PTPRD: variants seen among roughly 807,000 people sequenced by gnomAD.
PTPRD encodes the protein protein tyrosine phosphatase receptor type D.
PTPRD carries 34 observed loss-of-function variants against 214.5 expected under a neutral mutation model. That is an observed-to-expected ratio of 0.16 (90% CI 0.12 to 0.21). PTPRD has a LOEUF of 0.21. Among genes scored for constraint, PTPRD ranks in the 10% least tolerant of loss-of-function variants. PTPRD has a pLI of 1.00. For synonymous variants in PTPRD, 1,128 were observed against 845.7 expected (o/e 1.33, Z -5.79); for missense variants, 2,545 against 2,398.7 (o/e 1.06, Z -1.27).
chr9:9,539,267 T>C (rs962580223), intron 8 of PTPRD, among the ~76,000 whole-genome samples: 1 of 151,736 alleles, frequency 6.6e-6, no homozygotes, highest in Non-Finnish European at 1.5e-5. Flanking sequence ...GGCCCTTAAG[T>C]GGGAATAAAC....
intron 14 of PTPRD, among the ~76,000 whole-genome samples, chr9:8,550,285 CA>C (rs2081626815): frequency 1.3e-5 from 2 of 152,028 alleles, no homozygotes; most frequent in Admixed American, 1.3e-4. Context: ...TGGTACCTCC[CA>C]AATTTGAAGT....
In PTPRD at chr9:9,495,942, C is replaced by T. The variant is rs570750690; in HGVS notation, c.-237+78790G>A. Reference sequence around the variant, plus strand: ...TTGTGGGGCTTTGGGGTAGCAGGCACCCCAACTTGGGTGCCACCTCAGGCC... The same window carrying T: ...TTGTGGGGCTTTGGGGTAGCAGGCATCCCAACTTGGGTGCCACCTCAGGCC... On this transcript the variant is annotated intron_variant, in intron 8 of 45. Coordinates refer to ENST00000381196, the MANE Select transcript of PTPRD (RefSeq NM_002839.4). 7.2e-5 allele frequency among the ~76,000 whole-genome samples: 11 copies of T among 152,274 alleles called. No homozygotes were observed. In the South Asian group the frequency reaches 1.9e-3, roughly 26 times the overall value.
chr9:9,845,949 G>C (rs978458899), intron 5 of PTPRD, among the ~76,000 whole-genome samples: 2 of 152,154 alleles, frequency 1.3e-5, no homozygotes, highest in African/African-American at 2.4e-5. Flanking sequence ...CAAAGAAAAA[G>C]CAACAGTTTG....
rs190812761 is a variant in PTPRD, at chr9:8,723,272, A to G, written c.64+10508T>C. Among the ~76,000 whole-genome samples the G allele has an allele frequency of 2.0e-3, 302 of 152,138 alleles. 4 individuals carry two copies. The highest frequency in any genetic ancestry group is 7.0e-3 in the African/African-American group (291 of 41,494). On this transcript the variant is annotated intron_variant, in intron 12 of 45. Coordinates refer to ENST00000381196, the MANE Select transcript of PTPRD (RefSeq NM_002839.4). ...ATTTTTTCATAGCTGGACCCTTCCC[A>G]TTCTTCGGCTCAAGTGTTGTATCTC...
intron 4 of PTPRD, among the ~76,000 whole-genome samples, chr9:10,020,291 T>C (rs979081250): frequency 6.6e-6 from 1 of 152,154 alleles, no homozygotes; most frequent in Non-Finnish European, 1.5e-5. Flanking sequence ...ATCAATACAA[T>C]ATTAGTTTCT....
rs531679248 is a variant in PTPRD, at chr9:8,772,632, G to C, written c.-103-38686C>G. On this transcript the variant is annotated intron_variant, in intron 11 of 45. Transcript: ENST00000381196. ...CAATCCAGCCTGGGCAATAGAGCAA[G>C]ACCTTGTCTCTAAAAAAATAATAAA... Among the ~76,000 whole-genome samples, 3 of 152,134 alleles carry C rather than the reference G, an allele frequency of 2.0e-5. No homozygotes were observed. The South Asian group carries it at 6.2e-4, about 32-fold the overall frequency.
At chr9:8,792,728 C>T (rs938092420) in intron 11 of PTPRD, among the ~76,000 whole-genome samples, 2 of 152,052 alleles carry the variant, frequency 1.3e-5, no homozygotes, top group Non-Finnish European at 2.9e-5. Context: ...TAGAAGAAGA[C>T]GCAAAAGCCT....
intron 8 of PTPRD, among the ~76,000 whole-genome samples, chr9:9,516,911 A>G (rs1267469550): frequency 6.6e-6 from 1 of 152,064 alleles, no homozygotes; most frequent in Non-Finnish European, 1.5e-5. Flanking sequence ...TATGGACTCA[A>G]ACAAAATCAA....
At chr9:9,993,071 A>G (rs2096003871) in intron 4 of PTPRD, among the ~76,000 whole-genome samples, 1 of 152,228 alleles carries the variant, frequency 6.6e-6, no homozygotes, top group South Asian at 2.1e-4. Flanking sequence ...ATTTAAAAGT[A>G]TCAACTAAAG....
intron 43 of PTPRD, among the ~76,000 whole-genome samples, chr9:8,335,945 G>C (rs560153420): frequency 2.0e-5 from 3 of 152,282 alleles, no homozygotes; most frequent in Admixed American, 1.3e-4. Flanking sequence ...GCAAACCACT[G>C]CTCAAGGAAA....
At chr9:9,522,995 A>G (rs569655442) in intron 8 of PTPRD, among the ~76,000 whole-genome samples, 92 of 152,320 alleles carry the variant, frequency 6.0e-4, no homozygotes, top group African/African-American at 2.2e-3. Flanking sequence ...CCATGTATAT[A>G]GCAGAAAACA....
intron 2 of PTPRD, among the ~76,000 whole-genome samples, chr9:10,425,476 T>C (rs1226588458): frequency 2.6e-5 from 4 of 151,968 alleles, no homozygotes; most frequent in Non-Finnish European, 5.9e-5. Flanking sequence ...TCATCAGTAA[T>C]GTGCTACTTT....
Position 8,945,026 on chromosome 9 carries a change from T to A in PTPRD, c.-104+73671A>T, listed in dbSNP as rs1344496331. On this transcript the variant is annotated intron_variant, in intron 11 of 45. Transcript: ENST00000381196. ...ATATCTTATGTCCCCCATAAACATA[T>A]GTACTTACTATGTACTCATGAAAAT... 2.6e-5 allele frequency among the ~76,000 whole-genome samples: 4 copies of A among 152,088 alleles called. No individual in the cohort carries two copies. In the East Asian group the frequency reaches 5.8e-4, roughly 22 times the overall value.
intron 11 of PTPRD, among the ~76,000 whole-genome samples, chr9:8,969,295 T>C (rs1196246168): frequency 6.6e-6 from 1 of 152,044 alleles, no homozygotes; most frequent in African/African-American, 2.4e-5. Context: ...GAGACAACCA[T>C]CTTGGAGAAT....
At chr9:8,475,677 T>C (rs10977146) in intron 30 of PTPRD, among the ~76,000 whole-genome samples, 32,718 of 152,180 alleles carry the variant, frequency 0.21, 3,596 homozygotes, top group East Asian at 0.27. Flanking sequence ...CTACAATCCA[T>C]TTCAGTGCAC....
intron 11 of PTPRD, among the ~76,000 whole-genome samples, chr9:8,826,096 T>C (rs1373250580): frequency 2.0e-5 from 3 of 152,064 alleles, no homozygotes; most frequent in Non-Finnish European, 4.4e-5. Context: ...CCTCTGACAA[T>C]TCACAGATAA....
At chr9:8,737,746 G>C (rs985526121) in intron 11 of PTPRD, among the ~76,000 whole-genome samples, 1 of 152,138 alleles carries the variant, frequency 6.6e-6, no homozygotes, top group South Asian at 2.1e-4. Context: ...CGCCTCCTCA[G>C]TTCAAGCGAT....
intron 39 of PTPRD, among the ~76,000 whole-genome samples, chr9:8,361,896 C>T (rs1371902971): frequency 1.3e-5 from 2 of 152,210 alleles, no homozygotes; most frequent in East Asian, 3.9e-4. Context: ...CAAAGAGGAT[C>T]GTGTTCAGAC....
intron 6 of PTPRD, among the ~76,000 whole-genome samples, chr9:9,747,289 T>C (rs1197370092): frequency 6.6e-6 from 1 of 152,048 alleles, no homozygotes; most frequent in Admixed American, 6.6e-5. Context: ...GAAATAAATA[T>C]GGGGCTAAAA....
Sources: allele counts gnomAD v4.1 joint callset (sites outside exome capture counted in the v4.1 genomes callset), GRCh38; gene constraint gnomAD v4.1.1; transcripts MANE v1.5; gene names NCBI Gene and HGNC (gene_info 2026-07-23, HGNC 2026-07-21).